Variants in PCDHA7 observed in about 807,000 individuals in gnomAD.
PCDHA7 encodes the protein protocadherin alpha-7.
Under a neutral mutation model 57.2 loss-of-function variants are expected in PCDHA7, and 37 were observed. That is an observed-to-expected ratio of 0.65 (90% CI 0.50 to 0.85). The LOEUF (loss-of-function observed/expected upper bound fraction) is 0.85, where lower values mean the gene tolerates loss of function less well. Ranked by LOEUF, PCDHA7 falls within the 40% of genes least tolerant of loss-of-function variation. PCDHA7 has a pLI of 0.00. For synonymous variants in PCDHA7, 553 were observed against 558.8 expected (o/e 0.99, Z 0.15); for missense variants, 1,188 against 1,241.8 (o/e 0.96, Z 0.65).
chr5:140,938,293 C>T (rs896897734), intron 1 of PCDHA7, among the ~76,000 whole-genome samples: 2 of 152,110 alleles, frequency 1.3e-5, no homozygotes, highest in African/African-American at 4.8e-5. Flanking sequence ...CTGTCATTGC[C>T]TATGAAATTC....
chr5:140,837,517 T>G (rs11420784), intron 1 of PCDHA7, among the ~76,000 whole-genome samples: 2 of 28,958 alleles, frequency 6.9e-5, no homozygotes, highest in African/African-American at 3.1e-4. Context: ...AGCAGTTTAC[T>G]TTTTTTGTAT....
intron 1 of PCDHA7, among the ~76,000 whole-genome samples, chr5:140,975,638 C>T (rs1256768090): frequency 6.6e-6 from 1 of 152,130 alleles, no homozygotes; most frequent in Non-Finnish European, 1.5e-5. Context: ...ACGAAGATAG[C>T]ATATTATTTC....
intron 1 of PCDHA7, among the ~76,000 whole-genome samples, chr5:140,895,943 TG>T (rs1176755658): frequency 6.6e-6 from 1 of 152,148 alleles, no homozygotes; most frequent in Non-Finnish European, 1.5e-5. Flanking sequence ...CCCGAGTAGC[TG>T]GGATTACAGG....
intron 1 of PCDHA7, chr5:140,871,513 C>T (rs1554165693): frequency 6.4e-7 from 1 of 1,574,300 alleles, no homozygotes; most frequent in South Asian, 1.2e-5. Context: ...TCTACAGATT[C>T]CACCTATCAG....
At chr5:140,964,227 G>A (rs1245581815) in intron 1 of PCDHA7, among the ~76,000 whole-genome samples, 1 of 152,222 alleles carries the variant, frequency 6.6e-6, no homozygotes, top group African/African-American at 2.4e-5. Context: ...CTTTCAAAAT[G>A]AGGCTGATTG....
intron 1 of PCDHA7, among the ~76,000 whole-genome samples, chr5:140,874,944 G>A (rs2055185348): frequency 6.6e-6 from 1 of 152,170 alleles, no homozygotes; most frequent in Non-Finnish European, 1.5e-5. Context: ...TGAAACAGCG[G>A]AATTGTAAGC....
At position 140,857,447 on chromosome 5, in the gene PCDHA7, A is replaced by G; in HGVS notation, c.2355+20709A>G. On this transcript the variant is annotated intron_variant, in intron 1 of 3. Transcript: ENST00000525929. ...GTACACGGTGTTCGTGAAGGAGAACAACCCGCCAGGCTGCCACATCTTCAC... is the reference window on the plus strand; with the variant it reads ...GTACACGGTGTTCGTGAAGGAGAACGACCCGCCAGGCTGCCACATCTTCAC... 2 of 1,598,502 alleles carry G rather than the reference A, an allele frequency of 1.3e-6. 1 individual carries two copies. The highest frequency in any genetic ancestry group is 1.7e-6 in the Non-Finnish European group (2 of 1,167,850).
chr5:140,881,145 A>G (rs1335769260), intron 1 of PCDHA7, among the ~76,000 whole-genome samples: 1 of 152,246 alleles, frequency 6.6e-6, no homozygotes, highest in Non-Finnish European at 1.5e-5. Context: ...TTATAACAAT[A>G]GATAAAAGTA....
intron 1 of PCDHA7, among the ~76,000 whole-genome samples, chr5:140,920,101 G>A (rs880001163): frequency 2.0e-5 from 3 of 152,180 alleles, no homozygotes; most frequent in African/African-American, 7.2e-5. Flanking sequence ...TCTAAAGGGA[G>A]TGCAACCTTG....
At position 140,945,888 on chromosome 5, in the gene PCDHA7, C is replaced by T. The variant is rs117232601; in HGVS notation, c.2356-33061C>T. Among the ~76,000 whole-genome samples, 21 of 152,006 alleles carry T rather than the reference C, an allele frequency of 1.4e-4. No homozygotes were observed. The East Asian group carries it at 2.9e-3, about 21-fold the overall frequency. On this transcript the variant is annotated intron_variant, in intron 1 of 3. Transcript: ENST00000525929. Reference sequence around the variant, plus strand: ...GAAATTGTAAAACTAACAAAGAAAACACAGTGGGAAAGATGAAAGATCAAT... The same window carrying T: ...GAAATTGTAAAACTAACAAAGAAAATACAGTGGGAAAGATGAAAGATCAAT...
At chr5:140,878,556 A>G (rs959852623) in intron 1 of PCDHA7, among the ~76,000 whole-genome samples, 3 of 152,156 alleles carry the variant, frequency 2.0e-5, no homozygotes, top group East Asian at 3.8e-4. Context: ...GATGATCCCA[A>G]ACTTATCATA....
At chr5:140,939,149 C>T (rs2092323339) in intron 1 of PCDHA7, among the ~76,000 whole-genome samples, 1 of 152,124 alleles carries the variant, frequency 6.6e-6, no homozygotes, top group South Asian at 2.1e-4. Flanking sequence ...GATCAAGGTC[C>T]TGGCAGATTT....
intron 1 of PCDHA7, chr5:140,877,449 G>A: frequency 1.2e-6 from 2 of 1,613,848 alleles, no homozygotes; most frequent in Non-Finnish European, 1.7e-6. Flanking sequence ...AGCCCGCGCT[G>A]ACGTCCACGG....
chr5:140,873,131 T>C (rs895883185), intron 1 of PCDHA7, among the ~76,000 whole-genome samples: 7 of 152,334 alleles, frequency 4.6e-5, no homozygotes, highest in Admixed American at 3.9e-4. Context: ...TCAAAGAGTC[T>C]ATGCTGAAGC....
chr5:140,941,647 C>T (rs1435033243), intron 1 of PCDHA7, among the ~76,000 whole-genome samples: 2 of 152,002 alleles, frequency 1.3e-5, no homozygotes, highest in South Asian at 2.1e-4. Flanking sequence ...CTTCCTACAA[C>T]TTATGTCCAA....
intron 3 of PCDHA7, 29 bp from the exon 4 acceptor site, chr5:141,009,598 T>C: frequency 6.2e-7 from 1 of 1,606,306 alleles, no homozygotes; most frequent in Non-Finnish European, 8.5e-7. Flanking sequence ...GTTGACCCTG[T>C]TAATGATTTG....
At chr5:141,001,977 A>T (rs527826696) in intron 3 of PCDHA7, among the ~76,000 whole-genome samples, 1 of 152,246 alleles carries the variant, frequency 6.6e-6, no homozygotes, top group South Asian at 2.1e-4. Flanking sequence ...CTCTGCGCGG[A>T]AAGCCTGGAA....
At chr5:140,884,581 C>A in intron 1 of PCDHA7, 1 of 1,614,184 alleles carries the variant, frequency 6.2e-7, no homozygotes, top group African/African-American at 1.3e-5. Context: ...ACCTCATGGC[C>A]TTCAGTCCCA....
chr5:140,872,320 A>G (rs1409087290), intron 1 of PCDHA7, among the ~76,000 whole-genome samples: 1 of 152,166 alleles, frequency 6.6e-6, no homozygotes, highest in Admixed American at 6.5e-5. Context: ...TATGGAAATA[A>G]TATGACTAAA....
Sources: gnomAD v4.1 joint callset for allele counts (sites outside exome capture counted in the v4.1 genomes callset) on GRCh38, gnomAD v4.1.1 for gene constraint, MANE v1.5 for transcripts, NCBI Gene and HGNC (gene_info 2026-07-23, HGNC 2026-07-21) for gene names.